Variants in CCDC195 observed in about 807,000 individuals in gnomAD.
The protein encoded by CCDC195 is coiled-coil domain-containing protein 195.
At chr2:224,704,428 T>A (rs1697213328) in intron 2 of CCDC195, among the ~76,000 whole-genome samples, 1 of 152,132 alleles carries the variant, frequency 6.6e-6, no homozygotes, top group South Asian at 2.1e-4. Context: ...ATTTAGACAT[T>A]AACCAGGAGA....
At chr2:224,705,747 A>G (rs1373563522) in intron 2 of CCDC195, among the ~76,000 whole-genome samples, 1 of 152,236 alleles carries the variant, frequency 6.6e-6, no homozygotes, top group Non-Finnish European at 1.5e-5. Flanking sequence ...AGTGGATTTC[A>G]TGCCAATCCA....
chr2:224,706,509 C>CTT lies in CCDC195; in HGVS notation c.483-2624_483-2623dup, dbSNP rs35298629. Among the ~76,000 whole-genome samples, 656 of 95,698 alleles carry CTT rather than the reference C, an allele frequency of 6.9e-3. 15 individuals carry two copies. Among genetic ancestry groups the CTT allele is most frequent in the East Asian group, 0.035 (110 of 3,112 alleles). 62.8% of individuals were successfully genotyped at this position (95,698 alleles called of 152,430 possible). A position where few individuals can be genotyped will look rare whatever the true frequency, so the allele number is the denominator to read the frequency against. On this transcript the variant is annotated intron_variant, in intron 2 of 2. Coordinates refer to ENST00000638102, the Ensembl canonical transcript of CCDC195. ...TATGAGCCACTGTGCCTGGCTGTAA[C>CTT]TTTTTTTTTTTTTTTTTTTTGAGAC...
chr2:224,709,086 CTTTTTTTTTTT>C (rs35179742), intron 2 of CCDC195, among the ~76,000 whole-genome samples: 1 of 95,766 alleles, frequency 1.0e-5, no homozygotes, highest in African/African-American at 4.3e-5. Flanking sequence ...TTTCTTTTGT[CTTTTTTTTTTT>C]TTTTTTTTTG....
chr2:224,714,101 A>G (rs1016048367), intron 1 of CCDC195, among the ~76,000 whole-genome samples: 48 of 151,992 alleles, frequency 3.2e-4, no homozygotes, highest in African/African-American at 1.1e-3. Context: ...TCGCCTCCCA[A>G]AGCGCTGGGA....
intron 2 of CCDC195, among the ~76,000 whole-genome samples, chr2:224,707,067 A>C (rs1055080947): frequency 6.6e-6 from 1 of 151,984 alleles, no homozygotes; most frequent in Non-Finnish European, 1.5e-5. Flanking sequence ...TGTTGGCTCC[A>C]CCTTTGATGC....
chr2:224,705,591 G>A (rs1697231866), intron 2 of CCDC195, among the ~76,000 whole-genome samples: 1 of 152,164 alleles, frequency 6.6e-6, no homozygotes, highest in Non-Finnish European at 1.5e-5. Context: ...TGCTTTGAAA[G>A]CTATTAGTGA....
intron 1 of CCDC195, among the ~76,000 whole-genome samples, chr2:224,712,039 C>G (rs1689324517): frequency 6.6e-6 from 1 of 152,168 alleles, no homozygotes; most frequent in Admixed American, 6.5e-5. Context: ...TAGGAAAACA[C>G]AACAGGAAAT....
At chr2:224,707,355 C>T (rs1574755756) in intron 2 of CCDC195, among the ~76,000 whole-genome samples, 1 of 152,364 alleles carries the variant, frequency 6.6e-6, no homozygotes, top group East Asian at 1.9e-4. Context: ...AGCTTGCTCA[C>T]TTGTCACACC....
At chr2:224,704,557 G>T (rs1697214814) in intron 2 of CCDC195, among the ~76,000 whole-genome samples, 1 of 150,278 alleles carries the variant, frequency 6.7e-6, no homozygotes, top group Non-Finnish European at 1.5e-5. Context: ...AATGACATTT[G>T]GTGGCCTGCG....
intron 1 of CCDC195, among the ~76,000 whole-genome samples, chr2:224,710,708 C>T (rs1477521605): frequency 6.6e-6 from 1 of 152,128 alleles, no homozygotes; most frequent in African/African-American, 2.4e-5. Flanking sequence ...CAACCATATG[C>T]CAGGATCTTT....
chr2:224,705,184 G>A (rs898666306), intron 2 of CCDC195, among the ~76,000 whole-genome samples: 1 of 152,094 alleles, frequency 6.6e-6, no homozygotes, highest in African/African-American at 2.4e-5. Flanking sequence ...ATCTGATTCT[G>A]GAAGCTGCCT....
In CCDC195 at chr2:224,710,331, T is replaced by G. The variant is rs1008158491; in HGVS notation, c.236-112A>C. ...AACTAGACAGAACTATTGTTTCTCA[T>G]TACTTTTTTGGCATAAAAGATATCC... On this transcript the variant is annotated intron_variant, in intron 1 of 2. Coordinates refer to ENST00000638102, the Ensembl canonical transcript of CCDC195. The G allele has an allele frequency of 1.3e-5, 5 of 396,956 alleles. No homozygotes were observed. In the East Asian group the frequency reaches 1.8e-4, roughly 14 times the overall value. The allele number at this position is 396,956 out of a possible 1,614,324, so 24.6% of individuals were successfully genotyped here.
intron 1 of CCDC195, among the ~76,000 whole-genome samples, chr2:224,711,931 T>C (rs1689323867): frequency 6.6e-6 from 1 of 152,220 alleles, no homozygotes; most frequent in Non-Finnish European, 1.5e-5. Context: ...TCATGATATG[T>C]AACTTCCATA....
chr2:224,707,541 A>G (rs1559320044), intron 2 of CCDC195, among the ~76,000 whole-genome samples: 1 of 152,304 alleles, frequency 6.6e-6, no homozygotes, highest in East Asian at 1.9e-4. Flanking sequence ...ACATTTCATT[A>G]TGCTCCTCTA....
chr2:224,709,087 T>TTTTA (rs1689272824), intron 2 of CCDC195, among the ~76,000 whole-genome samples: 2 of 14,778 alleles, frequency 1.4e-4, no homozygotes, highest in Non-Finnish European at 2.4e-4. Context: ...TTCTTTTGTC[T>TTTTA]TTTTTTTTTT....
intron 2 of CCDC195, among the ~76,000 whole-genome samples, chr2:224,709,517 C>T (rs1393417931): frequency 1.3e-5 from 2 of 152,196 alleles, no homozygotes; most frequent in Non-Finnish European, 2.9e-5. Context: ...CTAACGCCCA[C>T]TAAGGCACCT....
exon 1 of CCDC195, chr2:224,716,324 CATTTCCTGGATAAGTCTCATG>C (rs943425653): frequency 2.5e-6 from 1 of 398,550 alleles, no homozygotes; most frequent in Non-Finnish European, 4.4e-6. Flanking sequence ...TCTCTGCCCG[CATTTCCTGGATAAGTCTCATG>C]AGCTGGATAT....
chr2:224,704,251 A>G (rs1298814179), intron 2 of CCDC195, among the ~76,000 whole-genome samples: 1 of 152,230 alleles, frequency 6.6e-6, no homozygotes, highest in Non-Finnish European at 1.5e-5. Flanking sequence ...AACTTGAGGC[A>G]ATTATTTTAT....
intron 1 of CCDC195, among the ~76,000 whole-genome samples, chr2:224,713,883 C>T (rs934417810): frequency 1.3e-5 from 2 of 150,510 alleles, no homozygotes; most frequent in Admixed American, 6.6e-5. Flanking sequence ...CTCACTGCAG[C>T]CTCAAAGGAA....
Sources: allele counts gnomAD v4.1 joint callset (sites outside exome capture counted in the v4.1 genomes callset), GRCh38; gene constraint gnomAD v4.1.1; transcripts MANE v1.5; gene names NCBI Gene and HGNC (gene_info 2026-07-23, HGNC 2026-07-21).